Variants in CCDC171 observed in about 807,000 individuals in gnomAD.
CCDC171 encodes coiled-coil domain-containing protein 171.
Under a neutral mutation model 168.2 loss-of-function variants are expected in CCDC171, and 177 were observed. The observed-to-expected ratio is 1.05, with a 90% CI of 0.93 to 1.19. The LOEUF (loss-of-function observed/expected upper bound fraction) is 1.19, where lower values mean the gene tolerates loss of function less well. CCDC171 is among the 50% of genes most tolerant of loss of function. The pLI is 0.00. For synonymous variants in CCDC171, 687 were observed against 540.8 expected, an observed-to-expected ratio of 1.27 and a Z score of -3.75; for missense variants, 1,991 against 1,539.0, an observed-to-expected ratio of 1.29 and a Z score of -4.91.
intron 4 of CCDC171, among the ~76,000 whole-genome samples, chr9:15,589,438 C>A (rs924201614): frequency 6.6e-6 from 1 of 152,046 alleles, no homozygotes; most frequent in African/African-American, 2.4e-5. Context: ...ATAAATCCTG[C>A]CATTTTCATT....
chr9:16,084,920 G>T, the CCDC171 span, among the ~76,000 whole-genome samples: 1 of 152,196 alleles, frequency 6.6e-6, no homozygotes, highest in African/African-American at 2.4e-5. Flanking sequence ...AAGGGGCCTT[G>T]ACCAACTCAC....
chr9:16,008,093 T>A (rs1346664521), intron 3 of CCDC171, among the ~76,000 whole-genome samples: 1 of 152,198 alleles, frequency 6.6e-6, no homozygotes, highest in Non-Finnish European at 1.5e-5. Context: ...GACGTCAAGT[T>A]TATCCATTTT....
At chr9:15,998,782 TTAAAG>T (rs1237019072) in intron 3 of CCDC171, among the ~76,000 whole-genome samples, 2 of 152,230 alleles carry the variant, frequency 1.3e-5, no homozygotes, top group African/African-American at 4.8e-5. Flanking sequence ...TGCAGAAACT[TTAAAG>T]GCAATGGAGG....
the CCDC171 span, among the ~76,000 whole-genome samples, chr9:16,096,423 ATGC>A: frequency 6.6e-6 from 1 of 152,182 alleles, no homozygotes; most frequent in Non-Finnish European, 1.5e-5. Context: ...AGAGGATTAT[ATGC>A]TGCTACAGGA....
the CCDC171 span, among the ~76,000 whole-genome samples, chr9:16,108,462 G>C: frequency 1.2e-3 from 187 of 152,282 alleles, no homozygotes; most frequent in African/African-American, 4.3e-3. Flanking sequence ...CTTGATTGCA[G>C]AATGAGTGTC....
chr9:15,606,713 G>A (rs1200903663), intron 6 of CCDC171, among the ~76,000 whole-genome samples: 2 of 152,026 alleles, frequency 1.3e-5, no homozygotes, highest in African/African-American at 2.4e-5. Flanking sequence ...TATACTTTTT[G>A]GGCTACGTTT....
At chr9:15,625,997 G>A (rs1469249891) in intron 7 of CCDC171, among the ~76,000 whole-genome samples, 1 of 152,152 alleles carries the variant, frequency 6.6e-6, no homozygotes, top group Non-Finnish European at 1.5e-5. Context: ...ATTTCATTGA[G>A]CAGTGGTTTG....
chr9:15,835,586 C>G (rs989418673), intron 21 of CCDC171, among the ~76,000 whole-genome samples: 14 of 152,090 alleles, frequency 9.2e-5, no homozygotes, highest in Non-Finnish European at 1.8e-4. Flanking sequence ...CGCTACCACA[C>G]CTGGCTAATT....
chr9:15,762,305 T>A (rs753629779), intron 18 of CCDC171, among the ~76,000 whole-genome samples: 4 of 152,006 alleles, frequency 2.6e-5, no homozygotes, highest in Non-Finnish European at 5.9e-5. Flanking sequence ...TTAGAAAAAA[T>A]TTTTACCTCC....
chr9:15,830,506 AT>A (rs2060186279), intron 21 of CCDC171, among the ~76,000 whole-genome samples: 1 of 152,206 alleles, frequency 6.6e-6, no homozygotes, highest in African/African-American at 2.4e-5. Flanking sequence ...GGCCTTTTCA[AT>A]TGATTCTAAT....
chr9:15,925,030 GCTTTTTGGTGGGCACAGTTCTGTT>G (rs1424877288), intron 25 of CCDC171, among the ~76,000 whole-genome samples: 3 of 151,416 alleles, frequency 2.0e-5, no homozygotes, highest in Non-Finnish European at 4.4e-5. Context: ...TTAAGCATCT[GCTTTTTGGTGGGCACAGTTCTGTT>G]CTTGGAGATA....
chr9:16,084,010 G>A, the CCDC171 span, among the ~76,000 whole-genome samples: 1 of 152,134 alleles, frequency 6.6e-6, no homozygotes, highest in Non-Finnish European at 1.5e-5. Context: ...ACTGAAACAT[G>A]GTTTTTCTAC....
exon 2 of CCDC171, chr9:16,060,988 T>A (rs1460538129): frequency 6.6e-6 from 1 of 152,216 alleles, no homozygotes; most frequent in East Asian, 1.9e-4. Flanking sequence ...GTTTTTCCAT[T>A]TGAGTGTAAT....
chr9:15,800,295 TA>T (rs1231616367), intron 21 of CCDC171, among the ~76,000 whole-genome samples: 1 of 152,170 alleles, frequency 6.6e-6, no homozygotes, highest in Non-Finnish European at 1.5e-5. Flanking sequence ...GTCTTTAGGA[TA>T]AAAGCCATTT....
intron 25 of CCDC171, among the ~76,000 whole-genome samples, chr9:15,952,307 A>G (rs78223574): frequency 2.6e-5 from 4 of 152,146 alleles, no homozygotes; most frequent in East Asian, 1.9e-4. Context: ...TGAAATCAGG[A>G]TGAATGAGTC....
At chr9:15,994,640 G>T (rs1414869082) in intron 3 of CCDC171, among the ~76,000 whole-genome samples, 1 of 152,142 alleles carries the variant, frequency 6.6e-6, no homozygotes, top group Non-Finnish European at 1.5e-5. Flanking sequence ...GTTCTGTTAA[G>T]AATTCACACT....
At chr9:15,571,003 A>G (rs2040179743) in intron 2 of CCDC171, among the ~76,000 whole-genome samples, 1 of 152,142 alleles carries the variant, frequency 6.6e-6, no homozygotes. Context: ...AGACTTTCAA[A>G]TAATTCTCCT....
rs575305185 is a variant in CCDC171, at chr9:15,614,129, T to A, written c.676-9138T>A. On this transcript the variant is annotated intron_variant, in intron 6 of 25. Coordinates refer to ENST00000380701, the MANE Select transcript of CCDC171 (RefSeq NM_173550.4). ...TTCCTACTTGCACAGAGCCTTAAGGTCAGCCAGAGATGAGAGACTGAGGCC... is the reference window on the plus strand; with the variant it reads ...TTCCTACTTGCACAGAGCCTTAAGGACAGCCAGAGATGAGAGACTGAGGCC... Among the ~76,000 whole-genome samples the A allele has an allele frequency of 1.1e-3, 162 of 152,358 alleles. 1 individual carries two copies. Among genetic ancestry groups the A allele is most frequent in the African/African-American group, 3.8e-3 (159 of 41,600 alleles).
intron 21 of CCDC171, among the ~76,000 whole-genome samples, chr9:15,817,972 G>T (rs2059622900): frequency 8.6e-6 from 1 of 116,916 alleles, no homozygotes; most frequent in Admixed American, 8.0e-5. Context: ...ACCTCACACG[G>T]CCGGGTACTC....
Sources: gnomAD v4.1 joint callset for allele counts (sites outside exome capture counted in the v4.1 genomes callset) on GRCh38, gnomAD v4.1.1 for gene constraint, MANE v1.5 for transcripts, NCBI Gene and HGNC (gene_info 2026-07-23, HGNC 2026-07-21) for gene names.